The following CMC2 variants were observed in gnomAD, a reference collection of about 807,000 sequenced individuals.
The protein encoded by CMC2 is COX assembly mitochondrial protein 2 homolog.
In CMC2, 5 loss-of-function variants were observed where a neutral mutation model predicts 7.5. The ratio of observed to expected loss-of-function variants is 0.66; its 90% confidence interval spans 0.35 to 1.40. The LOEUF is 1.40. Ranked by LOEUF, CMC2 falls within the 40% of genes most tolerant of loss-of-function variation. The pLI, the probability that CMC2 is intolerant of heterozygous loss-of-function variation, is 0.04. For missense variants in CMC2, 115 were observed against 92.3 expected (o/e 1.25, Z -1.01); for synonymous variants, 37 against 31.4 (o/e 1.18, Z -0.60).
intron 1 of CMC2, chr16:80,998,179 G>A (rs1968578177): frequency 6.7e-6 from 1 of 149,122 alleles, no homozygotes; most frequent in South Asian, 2.1e-4. Flanking sequence ...GTCCTCAAGT[G>A]ATCCTCAGCC....
intron 2 of CMC2, chr16:80,983,992 A>G: frequency 3.4e-5 from 5 of 148,874 alleles, no homozygotes; most frequent in East Asian, 2.0e-4. Context: ...AAAAAAAAAA[A>G]GAAAAAAAAA....
chr16:80,997,023 A>C (rs1054811905), intron 2 of CMC2: 2 of 488,692 alleles, frequency 4.1e-6, no homozygotes, highest in East Asian at 5.2e-5. Flanking sequence ...CTAGTGCCCT[A>C]TAATTAGGAA....
chr16:81,000,013 T>G (rs538081869), intron 1 of CMC2, among the ~76,000 whole-genome samples: 1 of 152,098 alleles, frequency 6.6e-6, no homozygotes, highest in Non-Finnish European at 1.5e-5. Flanking sequence ...GACTAAGTAC[T>G]CAAACACAAT....
chr16:80,968,023 G>C lies in CMC2; in HGVS notation c.*8070C>G. ...GGAAACTGCTTAAAAATTAAATGCAGAAAAAAGAGTAAGCTAGAAGTGATG... is the reference window on the plus strand; with the variant it reads ...GGAAACTGCTTAAAAATTAAATGCACAAAAAAGAGTAAGCTAGAAGTGATG... On this transcript the variant is annotated 3_prime_UTR_variant, in exon 4 of 4. Coordinates refer to ENST00000219400, the MANE Select transcript of CMC2 (RefSeq NM_020188.5). 6.6e-6 allele frequency: 1 copy of C among 151,940 alleles called. No homozygotes were observed. Among genetic ancestry groups the C allele is most frequent in the Non-Finnish European group, 1.5e-5 (1 of 67,990 alleles). 9.4% of individuals were successfully genotyped at this position (151,940 alleles called of 1,614,324 possible).
chr16:80,995,708 C>G (rs1184045025), intron 2 of CMC2, among the ~76,000 whole-genome samples: 1 of 152,080 alleles, frequency 6.6e-6, no homozygotes, highest in African/African-American at 2.4e-5. Flanking sequence ...AATTCTAGAA[C>G]TGCAAAATTC....
intron 2 of CMC2, among the ~76,000 whole-genome samples, chr16:80,996,414 T>A (rs1295500948): frequency 6.6e-6 from 1 of 152,266 alleles, no homozygotes; most frequent in African/African-American, 2.4e-5. Context: ...ATATTTTATA[T>A]AGTTTTTACT....
chr16:80,995,410 CT>C (rs1352662911), intron 2 of CMC2, among the ~76,000 whole-genome samples: 1 of 152,086 alleles, frequency 6.6e-6, no homozygotes, highest in East Asian at 1.9e-4. Context: ...AATCCCAGCA[CT>C]TTGGGAGGCC....
chr16:80,981,516 C>T (rs1052682437), intron 3 of CMC2, among the ~76,000 whole-genome samples: 8 of 152,212 alleles, frequency 5.3e-5, no homozygotes, highest in East Asian at 3.9e-4. Context: ...GTCTTTCTGC[C>T]GGCCAGAGAT....
chr16:81,003,967 A>G (rs529559087), intron 1 of CMC2, among the ~76,000 whole-genome samples: 3 of 152,348 alleles, frequency 2.0e-5, no homozygotes, highest in Non-Finnish European at 2.9e-5. Context: ...TCACGCCTGT[A>G]ATCTCAGAAC....
chr16:80,979,056 G>A (rs532331396), intron 3 of CMC2, among the ~76,000 whole-genome samples: 4 of 152,054 alleles, frequency 2.6e-5, no homozygotes, highest in African/African-American at 9.6e-5. Context: ...ACTCCAGCCT[G>A]GGTGACAGAG....
intron 1 of CMC2, among the ~76,000 whole-genome samples, chr16:81,000,017 A>C (rs1968738627): frequency 6.6e-6 from 1 of 152,220 alleles, no homozygotes; most frequent in Non-Finnish European, 1.5e-5. Context: ...AAGTACTCAA[A>C]CACAATTACA....
intron 3 of CMC2, among the ~76,000 whole-genome samples, chr16:80,980,106 G>C (rs1009450140): frequency 4.6e-5 from 7 of 151,938 alleles, no homozygotes; most frequent in Admixed American, 1.3e-4. Context: ...ATTTCTTTGA[G>C]ACAGGGTCTC....
At chr16:80,981,915 AATAT>A in intron 2 of CMC2, 38 bp from the exon 3 acceptor site, 1 of 1,363,424 alleles carries the variant, frequency 7.3e-7, no homozygotes, top group Non-Finnish European at 1.0e-6. Flanking sequence ...TTCATCCCAT[AATAT>A]GCCAAGGTTT....
chr16:80,982,012 TGTA>T, intron 2 of CMC2, 135 bp from the exon 3 acceptor site: 1 of 567,382 alleles, frequency 1.8e-6, no homozygotes. Flanking sequence ...TTAAATCACA[TGTA>T]TAAAACACAG....
chr16:81,001,223 A>C (rs1968838310), intron 1 of CMC2: 1 of 152,116 alleles, frequency 6.6e-6, no homozygotes, highest in Admixed American at 6.6e-5. Context: ...GGGCTGAAAA[A>C]CCATTAGGTA....
intron 2 of CMC2, chr16:80,991,755 T>G (rs1452418202): frequency 6.0e-6 from 2 of 335,532 alleles, no homozygotes; most frequent in East Asian, 1.6e-4. Context: ...GTACTTTACC[T>G]CTGTGGTCTT....
intron 2 of CMC2, among the ~76,000 whole-genome samples, chr16:80,992,863 T>G (rs964229674): frequency 6.6e-6 from 1 of 152,152 alleles, no homozygotes; most frequent in African/African-American, 2.4e-5. Context: ...CACTTTTATT[T>G]TTATTTTTTG....
intron 2 of CMC2, among the ~76,000 whole-genome samples, chr16:80,987,342 C>T (rs942301309): frequency 3.3e-5 from 5 of 152,078 alleles, no homozygotes; most frequent in African/African-American, 9.7e-5. Context: ...GGTGGAAAAA[C>T]CCAGTACTTA....
intron 3 of CMC2, among the ~76,000 whole-genome samples, chr16:80,979,663 C>CA (rs1313202117): frequency 6.6e-6 from 1 of 151,878 alleles, no homozygotes; most frequent in East Asian, 1.9e-4. Context: ...CTCTGTCACC[C>CA]AGGCTAGAAT....
Sources: gnomAD v4.1 joint callset for allele counts (sites outside exome capture counted in the v4.1 genomes callset) on GRCh38, gnomAD v4.1.1 for gene constraint, MANE v1.5 for transcripts, NCBI Gene and HGNC (gene_info 2026-07-23, HGNC 2026-07-21) for gene names.